Variants in MED13 observed in about 807,000 individuals in gnomAD.
MED13 encodes the protein mediator of RNA polymerase II transcription subunit 13.
Under a neutral mutation model 225.2 loss-of-function variants are expected in MED13, and 23 were observed. The ratio of observed to expected loss-of-function variants is 0.10; its 90% CI spans 0.07 to 0.14. The LOEUF is 0.14. Ranked by LOEUF, MED13 falls within the 10% of genes least tolerant of loss-of-function variation. MED13 has a pLI of 1.00. For missense variants in MED13, 2,197 were observed against 2,594.5 expected (o/e 0.85, Z 3.33); for synonymous variants, 942 against 889.2 (o/e 1.06, Z -1.06).
chr17:61,962,759 G>T lies in MED13; in HGVS notation c.5057C>A (p.Ser1686Tyr). ...TLPPHIKSTV[S>Y]VQIIPCQYLL... ...AACATCTATCACTCTTACCTGTACA[G>T]AAACAGTACTCTTGATATGAGGAGG... The change falls in exon 21 of 30, where the codon TCT becomes TAT. Residue 1686 changes from serine to tyrosine, a missense_variant. Physicochemically the swap from Ser to Tyr is moderately radical, Grantham distance 144. Transcript: ENST00000397786. 6.2e-7 allele frequency: 1 copy of T among 1,613,774 alleles called. No individual in the cohort carries two copies. The highest frequency in any genetic ancestry group is 1.3e-5 in the African/African-American group (1 of 75,020).
At chr17:62,033,642 T>G in intron 5 of MED13, 145 bp downstream of exon 5, 1 of 749,436 alleles carries the variant, frequency 1.3e-6, no homozygotes, top group Non-Finnish European at 2.1e-6. Context: ...GATGCAGCCC[T>G]TAAGTAATGT....
chr17:62,041,392 T>G (rs1007847042), intron 3 of MED13, among the ~76,000 whole-genome samples: 1 of 71,926 alleles, frequency 1.4e-5, no homozygotes, highest in African/African-American at 5.8e-5. Flanking sequence ...AAAAGAAAAA[T>G]TGAAGAGCTG....
chr17:61,990,586 T>C (rs912111220), intron 11 of MED13, among the ~76,000 whole-genome samples: 2 of 148,058 alleles, frequency 1.4e-5, no homozygotes, highest in African/African-American at 5.0e-5. Context: ...GTATAGGGTC[T>C]CACTATATAT....
At chr17:62,043,366 A>G (rs997324196) in intron 3 of MED13, among the ~76,000 whole-genome samples, 1 of 152,116 alleles carries the variant, frequency 6.6e-6, no homozygotes, top group Non-Finnish European at 1.5e-5. Flanking sequence ...AATCTTGATG[A>G]CAGACATTAA....
intron 8 of MED13, among the ~76,000 whole-genome samples, chr17:62,024,558 G>C (rs1204831935): frequency 2.0e-5 from 3 of 152,132 alleles, no homozygotes; most frequent in Admixed American, 6.6e-5. Context: ...TTTTATTTTA[G>C]GTTCAGGGGT....
intron 2 of MED13, among the ~76,000 whole-genome samples, chr17:62,062,790 G>A (rs577341339): frequency 8.4e-4 from 128 of 152,228 alleles, no homozygotes; most frequent in African/African-American, 2.9e-3. Flanking sequence ...TTAGATTAAT[G>A]TAACATGCCT....
At chr17:61,997,111 G>A (rs956855060) in intron 9 of MED13, among the ~76,000 whole-genome samples, 13 of 152,086 alleles carry the variant, frequency 8.5e-5, no homozygotes, top group African/African-American at 1.9e-4. Flanking sequence ...TTTGCAGATC[G>A]TACATTCTTT....
At chr17:62,028,761 C>T (rs1603404934) in intron 8 of MED13, among the ~76,000 whole-genome samples, 1 of 151,248 alleles carries the variant, frequency 6.6e-6, no homozygotes, top group African/African-American at 2.4e-5. Flanking sequence ...AGGAGAATGG[C>T]GTGAACCCGG....
intron 16 of MED13, among the ~76,000 whole-genome samples, chr17:61,980,146 G>A (rs1481718373): frequency 2.6e-5 from 4 of 152,008 alleles, no homozygotes. Context: ...CCGAGATCAC[G>A]CCACTGCACT....
chr17:61,984,281 T>C lies in MED13; in HGVS notation c.2778A>G (p.Gln926=), dbSNP rs555149311. ...CTGGCAATTTGATAGGGGGCAGATA[T>C]TGGCTTGGTAGAGTTTTTAGAGGTG... ...MFAPLKTLPS[Q]YLPPIKLPEE... is the part of the protein sequence containing the mutation. Residue 926 remains glutamine (Q), a synonymous_variant, in exon 15 of 30, where the codon CAA becomes CAG. Transcript: ENST00000397786. 2.1e-5 allele frequency: 34 copies of C among 1,611,990 alleles called. No individual in the cohort carries two copies. In the South Asian group the frequency reaches 3.4e-4, roughly 16 times the overall value.
chr17:62,037,955 C>CAAAAAAAAAAAAAAAAAAAAA (rs397857634), intron 3 of MED13, among the ~76,000 whole-genome samples: 1 of 64,758 alleles, frequency 1.5e-5, no homozygotes, highest in Non-Finnish European at 3.1e-5. Context: ...GACTTCATCT[C>CAAAAAAAAAAAAAAAAAAAAA]AAAAAAAAAA....
chr17:62,001,724 T>C (rs1357884517), intron 9 of MED13, among the ~76,000 whole-genome samples: 1 of 152,226 alleles, frequency 6.6e-6, no homozygotes, highest in East Asian at 1.9e-4. Flanking sequence ...GTCTGTACTA[T>C]ATTTTATTTA....
chr17:62,028,112 G>A (rs576347045), intron 8 of MED13, among the ~76,000 whole-genome samples: 9 of 152,248 alleles, frequency 5.9e-5, no homozygotes, highest in Admixed American at 3.9e-4. Flanking sequence ...AATGTCCACT[G>A]CAGCACTATT....
chr17:62,019,947 C>T (rs147210346), intron 8 of MED13, among the ~76,000 whole-genome samples: 8 of 151,870 alleles, frequency 5.3e-5, no homozygotes, highest in South Asian at 4.2e-4. Flanking sequence ...GGTTTCACTG[C>T]GTTAGCCAGG....
chr17:61,957,731 T>C (rs2079960047), intron 23 of MED13, among the ~76,000 whole-genome samples: 1 of 152,210 alleles, frequency 6.6e-6, no homozygotes, highest in Non-Finnish European at 1.5e-5. Context: ...ATCCCTGTTC[T>C]ATACTATAAG....
intron 2 of MED13, among the ~76,000 whole-genome samples, chr17:62,056,536 A>G (rs1209601328): frequency 1.3e-5 from 2 of 152,176 alleles, no homozygotes; most frequent in African/African-American, 4.8e-5. Context: ...GCTAAGACAG[A>G]AGGATCACTT....
rs1393260418 is a variant in MED13, at chr17:61,984,048, C to G, written c.2888+123G>C. 1.1e-5 allele frequency: 8 copies of G among 716,512 alleles called. No homozygotes were observed. The East Asian group carries it at 2.6e-4, about 23-fold the overall frequency. 44.4% of individuals were successfully genotyped at this position (716,512 alleles called of 1,614,324 possible). A position where few individuals can be genotyped will look rare whatever the true frequency, so the allele number is the denominator to read the frequency against. ...CAGCCAATCACTATAATTGATTAAC[C>G]AGAAATAATTTTTAGAATTTTCAAA... On this transcript the variant is annotated intron_variant, in intron 15 of 29. Coordinates refer to ENST00000397786, the MANE Select transcript of MED13 (RefSeq NM_005121.3).
rs1486665416 is a variant in MED13 at position 61,965,105 on chromosome 17, C to T, written c.4745G>A (p.Gly1582Asp). The change falls in exon 20 of 30, where the codon GGT (glycine) becomes GAT (aspartate). Residue 1582 changes from glycine to aspartate, a missense_variant. Coordinates refer to ENST00000397786, the MANE Select transcript of MED13 (RefSeq NM_005121.3). ...MSTQANTVQS[G>D]QLGGQQTSAL... ...TGATGTCTGTTGCCCTCCTAGCTGACCACTCTGAACTGTATTTGCTTGTGT... is the reference window on the plus strand; with the variant it reads ...TGATGTCTGTTGCCCTCCTAGCTGATCACTCTGAACTGTATTTGCTTGTGT... The T allele has an allele frequency of 6.2e-7, 1 of 1,614,200 alleles. No individual in the cohort carries two copies. The highest frequency in any genetic ancestry group is 1.1e-5 in the South Asian group (1 of 91,086).
intron 9 of MED13, chr17:62,003,613 A>AAAAAAAAAAAAAAAG (rs2080417580): frequency 6.6e-6 from 1 of 151,044 alleles, no homozygotes; most frequent in Non-Finnish European, 1.5e-5. Context: ...AAAAAAAAAA[A>AAAAAAAAAAAAAAAG]AAAAAAAAGC....
Sources: allele counts gnomAD v4.1 joint callset (sites outside exome capture counted in the v4.1 genomes callset), GRCh38; gene constraint gnomAD v4.1.1; transcripts MANE v1.5; gene names NCBI Gene and HGNC (gene_info 2026-07-23, HGNC 2026-07-21).